The following PPP1R3F variants were observed in gnomAD, a reference collection of about 807,000 sequenced individuals.
PPP1R3F encodes the protein protein phosphatase 1, regulatory (inhibitor) subunit 3F.
In PPP1R3F, 29 loss-of-function variants were observed where a neutral mutation model predicts 24.2. That is an observed-to-expected ratio of 1.20 (90% CI 0.89 to 1.63). The LOEUF (loss-of-function observed/expected upper bound fraction) is 1.63, where lower values mean the gene tolerates loss of function less well. Among genes scored for constraint, PPP1R3F ranks in the 40% most tolerant of loss-of-function variants. The pLI is 0.00. For missense variants in PPP1R3F, 823 were observed against 729.3 expected, an observed-to-expected ratio of 1.13 and a Z score of -1.48; for synonymous variants, 363 against 340.1, an observed-to-expected ratio of 1.07 and a Z score of -0.74.
Position 49,270,632 on chromosome X carries a change from G to A in PPP1R3F, c.763G>A (p.Asp255Asn), listed in dbSNP as rs1557118995. Residue 255 changes from aspartate (D) to asparagine (N), a missense_variant, in exon 1 of 4, where the codon GAT becomes AAT. Asp to Asn is a conservative substitution (Grantham distance 23, BLOSUM62 1). Transcript: ENST00000055335. ...FQLPFAEGAG[D>N]GARLDFVVRY... ...GCTGCCCTTTGCTGAGGGCGCGGGCGATGGGGCGCGCCTCGACTTCGTGGT... is the reference window on the plus strand; with the variant it reads ...GCTGCCCTTTGCTGAGGGCGCGGGCAATGGGGCGCGCCTCGACTTCGTGGT... The A allele has an allele frequency of 8.3e-7, 1 of 1,207,386 alleles. No individual in the cohort carries two copies. Among genetic ancestry groups the A allele is most frequent in the Non-Finnish European group, 1.1e-6 (1 of 894,643 alleles).
At chrX:49,293,734 G>A (rs1469808684) in intron 3 of PPP1R3F, among the ~76,000 whole-genome samples, 3 of 112,525 alleles carry the variant, frequency 2.7e-5, no homozygotes, top group East Asian at 2.8e-4. Flanking sequence ...GGTGACTCAC[G>A]TCTGAAACCC....
rs1359667808 is a variant in PPP1R3F at position 49,286,076 on chromosome X, G to A, written c.1386G>A (p.Ser462=). The change falls in exon 4 of 4, where the codon TCG becomes TCA. Residue 462 remains serine, a synonymous_variant. Coordinates refer to ENST00000055335, the MANE Select transcript of PPP1R3F (RefSeq NM_033215.5). ...QQQAEATWGV[S]SENGGGLEAV... is the part of the protein sequence containing the mutation. ...AGGCAGAGGCCACATGGGGAGTATC[G>A]AGTGAGAATGGAGGGGGGCTGGAGG... is the stretch of plus-strand genomic sequence containing the variant. 2.0e-5 allele frequency: 23 copies of A among 1,173,510 alleles called. No individual in the cohort carries two copies. The highest frequency in any genetic ancestry group is 2.6e-5 in the Non-Finnish European group (23 of 874,894).
intron 3 of PPP1R3F, among the ~76,000 whole-genome samples, chrX:49,297,828 C>A (rs1213956654): frequency 3.0e-3 from 58 of 19,619 alleles, no homozygotes; most frequent in African/African-American, 0.017. Context: ...GCAACCCCTG[C>A]TTTTTTTTTT....
Position 49,281,399 on chromosome X carries a change from C to T in PPP1R3F, c.1005-7C>T. 3.3e-6 allele frequency: 4 copies of T among 1,200,943 alleles called. No homozygotes were observed. The highest frequency in any genetic ancestry group is 4.5e-6 in the Non-Finnish European group (4 of 887,282). Reference sequence around the variant, plus strand: ...TAGATCCATGTACTCTCTCCTCTGCCCTGCAGGCCTGCCGAGGAGGAACTG... The same window carrying T: ...TAGATCCATGTACTCTCTCCTCTGCTCTGCAGGCCTGCCGAGGAGGAACTG... On this transcript the variant is annotated splice_region_variant and splice_polypyrimidine_tract_variant and intron_variant, in intron 1 of 3. Coordinates refer to ENST00000055335, the MANE Select transcript of PPP1R3F (RefSeq NM_033215.5).
At chrX:49,291,614 C>T (rs1011007039), downstream of PPP1R3F, among the ~76,000 whole-genome samples, 1 of 110,849 alleles carries the variant, frequency 9.0e-6, no homozygotes, top group African/African-American at 3.3e-5. Context: ...AGGTATGAGC[C>T]ACCACGACTG....
At chrX:49,290,525 G>A (rs1330307049), downstream of PPP1R3F, among the ~76,000 whole-genome samples, 7 of 111,387 alleles carry the variant, frequency 6.3e-5, no homozygotes, top group African/African-American at 1.6e-4. Context: ...CAAGTCACCC[G>A]TCCTAGACCA....
At chrX:49,291,288 T>TTCTCTCTCTCTCTCTCTC (rs781932322), downstream of PPP1R3F, among the ~76,000 whole-genome samples, 83 of 50,600 alleles carry the variant, frequency 1.6e-3, 2 homozygotes, top group African/African-American at 4.2e-3. Context: ...CAGCCTACTT[T>TTCTCTCTCTCTCTCTCTC]TCTCTCTCTC....
Position 49,287,126 on chromosome X carries a change from G to A in PPP1R3F, c.*36G>A. ...TGGGATCAGCAGAGGCTTAAGATGG[G>A]ATACATGGCCTGTGCAGTGAGGGGA... On this transcript the variant is annotated 3_prime_UTR_variant, in exon 4 of 4. Coordinates refer to ENST00000055335, the MANE Select transcript of PPP1R3F (RefSeq NM_033215.5). 8.4e-7 allele frequency: 1 copy of A among 1,186,278 alleles called. No homozygotes were observed. Among genetic ancestry groups the A allele is most frequent in the Non-Finnish European group, 1.1e-6 (1 of 878,031 alleles).
At chrX:49,288,156 G>A (rs1014993518), downstream of PPP1R3F, 5 of 112,392 alleles carry the variant, frequency 4.4e-5, no homozygotes, top group Non-Finnish European at 9.4e-5. Context: ...ATCTATACGA[G>A]CTTTCTTCAG....
intron 1 of PPP1R3F, chrX:49,281,110 C>A (rs1397153631): frequency 1.2e-5 from 3 of 250,535 alleles, no homozygotes; most frequent in African/African-American, 8.5e-5. Flanking sequence ...TCTGTAGAAT[C>A]TAAATGATTT....
rs2066290194 is a variant in PPP1R3F, at chrX:49,286,933, C to T, written c.2243C>T (p.Pro748Leu). The change falls in exon 4 of 4, where the codon CCT becomes CTT. Residue 748 changes from proline to leucine, a missense_variant. Transcript: ENST00000055335. ...PPKKSPTLAV[P>L]AECVCALPPQ... ...AAGAAGTCTCCCACCCTAGCAGTCC[C>T]TGCAGAATGTGTGTGTGCACTGCCT... 8.3e-7 allele frequency: 1 copy of T among 1,207,543 alleles called. No individual in the cohort carries two copies. The highest frequency in any genetic ancestry group is 3.0e-5 in the East Asian group (1 of 33,811).
At position 49,270,438 on chromosome X, in the gene PPP1R3F, C is replaced by A; in HGVS notation, c.569C>A (p.Ser190Tyr). 8.4e-7 allele frequency: 1 copy of A among 1,196,510 alleles called. No individual in the cohort carries two copies. Among genetic ancestry groups the A allele is most frequent in the Non-Finnish European group, 1.1e-6 (1 of 892,769 alleles). Reference sequence around the variant, plus strand: ...CGGGCCTCACACGACGGCTGGGCTTCCTTTTGCGACCACCCAGCGCGCTAC... The same window carrying A: ...CGGGCCTCACACGACGGCTGGGCTTACTTTTGCGACCACCCAGCGCGCTAC... ...HVRASHDGWA[S>Y]FCDHPARYVP... The change falls in exon 1 of 4, where the codon TCC becomes TAC. Residue 190 changes from serine (S) to tyrosine (Y), a missense_variant. Ser to Tyr is a moderately radical substitution (Grantham distance 144). Transcript: ENST00000055335.
intron 3 of PPP1R3F, among the ~76,000 whole-genome samples, chrX:49,294,329 C>T (rs995597402): frequency 5.6e-5 from 6 of 107,732 alleles, no homozygotes; most frequent in Admixed American, 1.0e-4. Context: ...AAGTGATTCT[C>T]CCACCTCAGC....
At chrX:49,284,509 C>CTTTTTTTTTTTTTTTTTTT (rs145170789) in intron 3 of PPP1R3F, among the ~76,000 whole-genome samples, 7 of 50,855 alleles carry the variant, frequency 1.4e-4, no homozygotes, top group African/African-American at 3.6e-4. Context: ...CTTTTTCTTT[C>CTTTTTTTTTTTTTTTTTTT]TTTTTTTTTT....
chrX:49,271,249 A>G (rs1295842688), intron 1 of PPP1R3F, among the ~76,000 whole-genome samples: 1 of 111,900 alleles, frequency 8.9e-6, no homozygotes, highest in Non-Finnish European at 1.9e-5. Flanking sequence ...TGTGTCAGAC[A>G]TGCTGTTAAA....
In PPP1R3F at chrX:49,270,169, G is replaced by A. The variant is rs782701204; in HGVS notation, c.300G>A (p.Glu100=). The change falls in exon 1 of 4, where the codon GAG becomes GAA. Residue 100 remains glutamate (E), a synonymous_variant. Coordinates refer to ENST00000055335, the MANE Select transcript of PPP1R3F (RefSeq NM_033215.5). ...EGEEEEEACP[E]PSPLCPVPAG... Reference sequence around the variant, plus strand: ...AGGAGGAAGAGGAGGCTTGCCCCGAGCCCTCACCGCTGTGCCCCGTCCCCG... The same window carrying A: ...AGGAGGAAGAGGAGGCTTGCCCCGAACCCTCACCGCTGTGCCCCGTCCCCG... 9.1e-7 allele frequency: 1 copy of A among 1,094,862 alleles called. No homozygotes were observed. The highest frequency in any genetic ancestry group is 1.2e-6 in the Non-Finnish European group (1 of 845,062). The allele number at this position is 1,094,862 out of a possible 1,213,427, so 90.2% of individuals were successfully genotyped here.
intron 1 of PPP1R3F, chrX:49,274,609 C>T (rs1557119794): frequency 8.9e-6 from 1 of 112,463 alleles, no homozygotes; most frequent in African/African-American, 3.2e-5. Context: ...TAGCACTCAT[C>T]AGCCCAGCAC....
Position 49,285,852 on chromosome X carries a change from A to G in PPP1R3F, c.1162A>G (p.Thr388Ala), listed in dbSNP as rs781825272. 8.7e-7 allele frequency: 1 copy of G among 1,145,689 alleles called. No homozygotes were observed. Among genetic ancestry groups the G allele is most frequent in the South Asian group, 2.1e-5 (1 of 46,739 alleles). 94.4% of individuals were successfully genotyped at this position (1,145,689 alleles called of 1,213,427 possible). ...GCTCCAGGTTTCTGACGTTCCGATGACTGGCAACCCCGCAGAAGAAGGTGA... is the reference window on the plus strand; with the variant it reads ...GCTCCAGGTTTCTGACGTTCCGATGGCTGGCAACCCCGCAGAAGAAGGTGA... Reference protein sequence around the residue: ...MTLQVSDVPMTGNPAEEGDVP... With the variant: ...MTLQVSDVPMAGNPAEEGDVP... The change falls in exon 4 of 4, where the codon ACT (threonine) becomes GCT (alanine). Residue 388 changes from threonine to alanine, a missense_variant. Thr to Ala is a moderately conservative substitution (Grantham distance 58). Transcript: ENST00000055335.
intron 1 of PPP1R3F, chrX:49,273,151 A>T (rs1388632305): frequency 9.1e-6 from 1 of 109,528 alleles, no homozygotes; most frequent in African/African-American, 3.3e-5. Flanking sequence ...CCAGATGAAG[A>T]TACTGAGCAG....
Sources: allele counts gnomAD v4.1 joint callset (sites outside exome capture counted in the v4.1 genomes callset), GRCh38; gene constraint gnomAD v4.1.1; transcripts MANE v1.5; gene names NCBI Gene and HGNC (gene_info 2026-07-23, HGNC 2026-07-21).